Variants in MSRA observed in about 807,000 individuals in gnomAD.
MSRA encodes the protein mitochondrial peptide methionine sulfoxide reductase.
In MSRA, 54 loss-of-function variants were observed where a neutral mutation model predicts 31.3. The observed-to-expected ratio is 1.73, with a 90% CI of 1.39 to 2.17. The LOEUF (loss-of-function observed/expected upper bound fraction) is 2.17. Ranked by LOEUF, MSRA falls within the 30% of genes most tolerant of loss-of-function variation. The probability of loss-of-function intolerance (pLI) is 0.00; values close to 1 mark genes in which losing one functional copy is unlikely to be tolerated. For missense variants in MSRA, 507 were observed against 300.9 expected (o/e 1.69, Z -5.07); for synonymous variants, 169 against 116.5 (o/e 1.45, Z -2.90).
At chr8:10,226,006 A>G (rs904373799) in intron 2 of MSRA, among the ~76,000 whole-genome samples, 12 of 152,216 alleles carry the variant, frequency 7.9e-5, no homozygotes, top group African/African-American at 2.9e-4. Flanking sequence ...TTCACTGCAC[A>G]GTAACTTGGG....
intron 5 of MSRA, among the ~76,000 whole-genome samples, chr8:10,321,758 A>T (rs1802055390): frequency 6.6e-6 from 1 of 152,160 alleles, no homozygotes; most frequent in African/African-American, 2.4e-5. Context: ...CTTACATGAC[A>T]AGGACAAAAG....
chr8:10,127,438 C>G (rs1669526378), intron 1 of MSRA, among the ~76,000 whole-genome samples: 1 of 152,116 alleles, frequency 6.6e-6, no homozygotes, highest in East Asian at 1.9e-4. Flanking sequence ...GAAGGAGAAA[C>G]AGCTTCTGAG....
chr8:10,259,206 T>C lies in MSRA; in HGVS notation c.331+13983T>C, dbSNP rs140681010. On this transcript the variant is annotated intron_variant, in intron 3 of 5. Transcript: ENST00000317173. ...TGCCCTGAAAACAAATGGACTTAGA[T>C]CTATGGCCACTCTCTGGCAAAACTG... 3.3e-5 allele frequency among the ~76,000 whole-genome samples: 5 copies of C among 152,244 alleles called. No individual in the cohort carries two copies. The East Asian group carries it at 9.7e-4, about 29-fold the overall frequency.
At chr8:10,112,170 G>C (rs970151372) in intron 1 of MSRA, among the ~76,000 whole-genome samples, 5 of 152,134 alleles carry the variant, frequency 3.3e-5, no homozygotes, top group African/African-American at 1.2e-4. Flanking sequence ...TTTTAAAAGA[G>C]CAACTCACCA....
intron 1 of MSRA, among the ~76,000 whole-genome samples, chr8:10,171,242 A>G (rs1324012560): frequency 1.3e-5 from 2 of 152,138 alleles, no homozygotes; most frequent in Non-Finnish European, 2.9e-5. Context: ...TGTTTTAGAA[A>G]TACTTTGTCT....
chr8:10,111,734 C>T (rs10098330), intron 1 of MSRA, among the ~76,000 whole-genome samples: 80 of 152,302 alleles, frequency 5.3e-4, no homozygotes, highest in African/African-American at 1.9e-3. Flanking sequence ...GAAATATTAG[C>T]AGATTGAATA....
chr8:10,185,542 G>C (rs888188923), intron 1 of MSRA, among the ~76,000 whole-genome samples: 1 of 152,156 alleles, frequency 6.6e-6, no homozygotes, highest in Non-Finnish European at 1.5e-5. Flanking sequence ...CTGGTGGGCC[G>C]AGGAATGCTC....
At position 10,257,164 on chromosome 8, in the gene MSRA, CA is replaced by C. The variant is rs530356790; in HGVS notation, c.331+11942del. Among the ~76,000 whole-genome samples the C allele has an allele frequency of 2.4e-3, 367 of 152,174 alleles. 4 individuals carry two copies. The highest frequency in any genetic ancestry group is 8.5e-3 in the African/African-American group (351 of 41,510). ...TAGGAGGTGATGACACCATTTCCAT[CA>C]GGGGTGGCCAGGAATGGGCACGTAC... On this transcript the variant is annotated intron_variant, in intron 3 of 5. Transcript: ENST00000317173.
intron 5 of MSRA, among the ~76,000 whole-genome samples, chr8:10,410,547 C>T (rs796115167): frequency 7.2e-5 from 11 of 152,330 alleles, no homozygotes; most frequent in African/African-American, 2.6e-4. Flanking sequence ...TTCCTCAAAA[C>T]AGCACTGAGA....
At chr8:10,366,619 CCCAGCA>C (rs1181383117) in intron 5 of MSRA, among the ~76,000 whole-genome samples, 8 of 152,152 alleles carry the variant, frequency 5.3e-5, no homozygotes, top group African/African-American at 1.9e-4. Context: ...TTCTCTCACC[CCCAGCA>C]CCATCCCTGC....
At chr8:10,237,672 C>T (rs1054986506) in intron 2 of MSRA, among the ~76,000 whole-genome samples, 10 of 152,232 alleles carry the variant, frequency 6.6e-5, no homozygotes, top group Admixed American at 1.3e-4. Flanking sequence ...TTTTCCTACA[C>T]GTCTGCTCCA....
chr8:10,132,001 T>A (rs1801931386), intron 1 of MSRA, among the ~76,000 whole-genome samples: 2 of 152,166 alleles, frequency 1.3e-5, no homozygotes. Context: ...TAAATTGAGT[T>A]TTTGGTCTCC....
At chr8:10,396,989 A>G (rs1184118112) in intron 5 of MSRA, among the ~76,000 whole-genome samples, 2 of 152,170 alleles carry the variant, frequency 1.3e-5, no homozygotes, top group Non-Finnish European at 2.9e-5. Context: ...ACCAGACTCT[A>G]TGCTTTTTTA....
Position 10,081,614 on chromosome 8 carries a change from C to T in MSRA, c.142+26956C>T, listed in dbSNP as rs560684774. On this transcript the variant is annotated intron_variant, in intron 1 of 5. Transcript: ENST00000317173. ...AAGCAGTTCTCCTGTCTTGGTCTCCCGAGTAGGTGGACTTATAGGCGCCCA... is the reference window on the plus strand; with the variant it reads ...AAGCAGTTCTCCTGTCTTGGTCTCCTGAGTAGGTGGACTTATAGGCGCCCA... Among the ~76,000 whole-genome samples, 9 of 152,240 alleles carry T rather than the reference C, an allele frequency of 5.9e-5. No individual in the cohort carries two copies. In the South Asian group the frequency reaches 1.0e-3, roughly 18 times the overall value.
intron 1 of MSRA, among the ~76,000 whole-genome samples, chr8:10,120,470 C>T (rs17689289): frequency 6.6e-6 from 1 of 152,058 alleles, no homozygotes; most frequent in Admixed American, 6.6e-5. Flanking sequence ...AGGACCAGCT[C>T]TCTGTGTATG....
chr8:10,426,993 G>C (rs1369932754), intron 5 of MSRA, among the ~76,000 whole-genome samples: 3 of 8,288 alleles, frequency 3.6e-4, no homozygotes, highest in African/African-American at 1.2e-3. Flanking sequence ...TGCTGGCTCA[G>C]ACGGCGAAAC....
chr8:10,176,892 C>T (rs1259208163), intron 1 of MSRA, among the ~76,000 whole-genome samples: 2 of 152,170 alleles, frequency 1.3e-5, no homozygotes, highest in East Asian at 3.9e-4. Context: ...TATCATTCTT[C>T]TTGTCTGGGA....
intron 1 of MSRA, among the ~76,000 whole-genome samples, chr8:10,088,407 C>G (rs918829209): frequency 6.6e-6 from 1 of 152,166 alleles, no homozygotes; most frequent in African/African-American, 2.4e-5. Context: ...GCATTATTGA[C>G]AATAGCTAAG....
chr8:10,410,446 T>C (rs997701926), intron 5 of MSRA, among the ~76,000 whole-genome samples: 9 of 152,168 alleles, frequency 5.9e-5, no homozygotes, highest in African/African-American at 2.2e-4. Flanking sequence ...TGACATTCCG[T>C]CACATCGCAA....
Sources: allele counts gnomAD v4.1 joint callset (sites outside exome capture counted in the v4.1 genomes callset), GRCh38; gene constraint gnomAD v4.1.1; transcripts MANE v1.5; gene names NCBI Gene and HGNC (gene_info 2026-07-23, HGNC 2026-07-21).